CMC1: variants seen among roughly 807,000 people sequenced by gnomAD.
CMC1 encodes COX assembly mitochondrial protein homolog.
Under a neutral mutation model 14.1 loss-of-function variants are expected in CMC1, and 14 were observed. The ratio of observed to expected loss-of-function variants is 0.99; its 90% CI spans 0.66 to 1.55. The LOEUF is 1.55. CMC1 is among the 40% of genes most tolerant of loss of function. The pLI, the probability that CMC1 is intolerant of heterozygous loss-of-function variation, is 0.00. For missense variants in CMC1, 127 were observed against 123.8 expected, an observed-to-expected ratio of 1.03 and a Z score of -0.12; for synonymous variants, 50 against 38.4, an observed-to-expected ratio of 1.30 and a Z score of -1.12.
At chr3:28,247,555 C>T (rs1218924620) in intron 1 of CMC1, among the ~76,000 whole-genome samples, 1 of 152,182 alleles carries the variant, frequency 6.6e-6, no homozygotes, top group African/African-American at 2.4e-5. Flanking sequence ...GCTACCATGG[C>T]CAGGGGCAGT....
chr3:28,259,376 A>G (rs1231533475), intron 1 of CMC1, among the ~76,000 whole-genome samples: 3 of 152,116 alleles, frequency 2.0e-5, no homozygotes, highest in South Asian at 2.1e-4. Flanking sequence ...CATATATGCT[A>G]TATCTGTGAT....
intron 1 of CMC1, among the ~76,000 whole-genome samples, chr3:28,257,666 A>C (rs1179837190): frequency 1.3e-5 from 2 of 151,980 alleles, no homozygotes; most frequent in Non-Finnish European, 2.9e-5. Context: ...CTTTAGGCGC[A>C]CGCCACCATG....
chr3:28,261,587 GA>G (rs1186292154), intron 1 of CMC1, among the ~76,000 whole-genome samples: 1 of 152,168 alleles, frequency 6.6e-6, no homozygotes, highest in Middle Eastern at 3.2e-3. Context: ...TCCAATTTTG[GA>G]AGTTGTGTTT....
chr3:28,283,551 CAAAAAA>C (rs5847510), intron 2 of CMC1, among the ~76,000 whole-genome samples: 5 of 118,282 alleles, frequency 4.2e-5, no homozygotes, highest in African/African-American at 1.6e-4. Flanking sequence ...ACAACAAAAA[CAAAAAA>C]AAAAAAAAAA....
chr3:28,297,696 T>C (rs1701802370), intron 2 of CMC1, among the ~76,000 whole-genome samples: 1 of 152,070 alleles, frequency 6.6e-6, no homozygotes, highest in African/African-American at 2.4e-5. Flanking sequence ...TATTTACAAT[T>C]GTGAGATTTT....
At chr3:28,251,507 A>C (rs542094754) in intron 1 of CMC1, among the ~76,000 whole-genome samples, 3 of 152,264 alleles carry the variant, frequency 2.0e-5, no homozygotes, top group Admixed American at 2.0e-4. Context: ...GTGGGGACAA[A>C]CCATATCCAA....
Position 28,241,720 on chromosome 3 carries a change from A to C in CMC1, c.-74A>C. ...GGGGTCGCACGTGCGTCCGAGCCCA[A>C]GCCCCTCCCCTCCACTCCCCTTCCT... On this transcript the variant is annotated 5_prime_UTR_variant, in exon 1 of 4. Transcript: ENST00000466830. 4 of 1,240,178 alleles carry C rather than the reference A, an allele frequency of 3.2e-6. No homozygotes were observed. The highest frequency in any genetic ancestry group is 4.0e-6 in the Non-Finnish European group (4 of 987,994). The allele number at this position is 1,240,178 out of a possible 1,614,324, so 76.8% of individuals were successfully genotyped here. A position where few individuals can be genotyped will look rare whatever the true frequency, so the allele number is the denominator to read the frequency against.
intron 2 of CMC1, among the ~76,000 whole-genome samples, chr3:28,290,874 C>T (rs903379145): frequency 2.6e-5 from 4 of 151,756 alleles, no homozygotes; most frequent in East Asian, 1.9e-4. Context: ...TCAGGTATCT[C>T]GGTATGACAA....
At chr3:28,253,627 A>T (rs1370968568) in intron 1 of CMC1, 3 of 566,944 alleles carry the variant, frequency 5.3e-6, no homozygotes, top group Middle Eastern at 3.2e-4. Context: ...AACTCCCCCC[A>T]AAAAGCTAAA....
intron 2 of CMC1, chr3:28,314,875 G>T (rs1318308507): frequency 1.3e-5 from 2 of 151,988 alleles, no homozygotes; most frequent in African/African-American, 4.8e-5. Flanking sequence ...AAGATTATCT[G>T]TCTAAGACAA....
chr3:28,296,024 T>C (rs1057181687), intron 2 of CMC1, among the ~76,000 whole-genome samples: 4 of 152,140 alleles, frequency 2.6e-5, no homozygotes, highest in Non-Finnish European at 5.9e-5. Flanking sequence ...ACTTTCAGTT[T>C]CTTTTCACCT....
chr3:28,278,165 A>G (rs1184483015), intron 2 of CMC1, among the ~76,000 whole-genome samples: 1 of 131,986 alleles, frequency 7.6e-6, no homozygotes, highest in Non-Finnish European at 1.6e-5. Context: ...TTTGAGATAT[A>G]TTTTGAAAGT....
At chr3:28,302,864 T>A (rs1384143825) in intron 2 of CMC1, among the ~76,000 whole-genome samples, 2 of 152,158 alleles carry the variant, frequency 1.3e-5, no homozygotes, top group African/African-American at 4.8e-5. Flanking sequence ...ATACCTGGCC[T>A]GGGTTAAGTC....
chr3:28,299,124 C>T (rs1238569421), intron 2 of CMC1, among the ~76,000 whole-genome samples: 2 of 152,042 alleles, frequency 1.3e-5, no homozygotes, highest in African/African-American at 4.8e-5. Flanking sequence ...AATTACTTTA[C>T]TCCATCTCTG....
chr3:28,291,079 G>A (rs921978397), intron 2 of CMC1, among the ~76,000 whole-genome samples: 1 of 152,086 alleles, frequency 6.6e-6, no homozygotes, highest in African/African-American at 2.4e-5. Flanking sequence ...TTTTCCACAT[G>A]GCAGTTTACT....
At chr3:28,270,920 CTTTTTTTTTT>C (rs71087680) in intron 2 of CMC1, among the ~76,000 whole-genome samples, 1 of 83,738 alleles carries the variant, frequency 1.2e-5, no homozygotes, top group Admixed American at 1.4e-4. Flanking sequence ...GAGTTAATTT[CTTTTTTTTTT>C]TTTTTTTTTT....
chr3:28,302,116 A>G (rs1459615861), intron 2 of CMC1, among the ~76,000 whole-genome samples: 1 of 152,190 alleles, frequency 6.6e-6, no homozygotes, highest in Non-Finnish European at 1.5e-5. Flanking sequence ...GATAAGTAGT[A>G]TTTAATGGTC....
chr3:28,258,992 C>T (rs1054816239), intron 1 of CMC1, among the ~76,000 whole-genome samples: 3 of 152,046 alleles, frequency 2.0e-5, no homozygotes, highest in Non-Finnish European at 4.4e-5. Context: ...AGCACTACGT[C>T]GTCTTGACTT....
intron 1 of CMC1, among the ~76,000 whole-genome samples, chr3:28,251,295 A>G (rs1375019571): frequency 6.6e-6 from 1 of 152,180 alleles, no homozygotes; most frequent in African/African-American, 2.4e-5. Flanking sequence ...ACAACAATCC[A>G]GTCTCTTGGG....
Sources: allele counts gnomAD v4.1 joint callset (sites outside exome capture counted in the v4.1 genomes callset), GRCh38; gene constraint gnomAD v4.1.1; transcripts MANE v1.5; gene names NCBI Gene and HGNC (gene_info 2026-07-23, HGNC 2026-07-21).